MYO5A: variants seen among roughly 807,000 people sequenced by gnomAD.
MYO5A encodes the protein myosin VA, also known as unconventional myosin-Va.
In MYO5A, 98 loss-of-function variants were observed where a neutral mutation model predicts 249.7. The observed-to-expected ratio is 0.39, with a 90% CI of 0.33 to 0.46. The LOEUF is 0.46. Among genes scored for constraint, MYO5A ranks in the 20% least tolerant of loss-of-function variants. MYO5A has a pLI of 0.98. For synonymous variants in MYO5A, 778 were observed against 810.6 expected, an observed-to-expected ratio of 0.96 and a Z score of 0.68; for missense variants, 1,696 against 2,308.8, an observed-to-expected ratio of 0.73 and a Z score of 5.44.
chr15:52,472,391 T>A (rs1473384813), intron 1 of MYO5A, among the ~76,000 whole-genome samples: 1 of 152,114 alleles, frequency 6.6e-6, no homozygotes, highest in African/African-American at 2.4e-5. Context: ...ATCCAGACAT[T>A]TTTTTCATTT....
chr15:52,345,159 T>A (rs867064231), intron 30 of MYO5A, among the ~76,000 whole-genome samples: 1 of 152,218 alleles, frequency 6.6e-6, no homozygotes, highest in African/African-American at 2.4e-5. Flanking sequence ...TATTTGCATA[T>A]AACCATGTAC....
intron 20 of MYO5A, among the ~76,000 whole-genome samples, chr15:52,373,063 C>T (rs1342519187): frequency 6.6e-6 from 1 of 151,768 alleles, no homozygotes; most frequent in African/African-American, 2.4e-5. Flanking sequence ...AGCAAGGATC[C>T]ACTTTTGGGA....
intron 1 of MYO5A, among the ~76,000 whole-genome samples, chr15:52,437,738 G>A (rs1343709142): frequency 6.6e-6 from 1 of 152,140 alleles, no homozygotes; most frequent in East Asian, 1.9e-4. Context: ...AACATGAGGA[G>A]ACTTTAAATC....
At chr15:52,400,492 C>T (rs1169450954) in intron 9 of MYO5A, among the ~76,000 whole-genome samples, 2 of 152,176 alleles carry the variant, frequency 1.3e-5, no homozygotes, top group Non-Finnish European at 2.9e-5. Context: ...GTGCTCTCTA[C>T]AAAAAATAAT....
rs1249598649 is a variant in MYO5A, at chr15:52,318,405, G to A, written c.5234+655C>T. On this transcript the variant is annotated intron_variant, in intron 39 of 41. Coordinates refer to ENST00000399233, the MANE Select transcript of MYO5A (RefSeq NM_001382347.1). Reference sequence around the variant, plus strand: ...CAGGAGGCAGAGGTTGCAGTGAGCCGAGATGGCGCCATTGCACTCCAGCCT... The same window carrying A: ...CAGGAGGCAGAGGTTGCAGTGAGCCAAGATGGCGCCATTGCACTCCAGCCT... Among the ~76,000 whole-genome samples, 5 of 135,790 alleles carry A rather than the reference G, an allele frequency of 3.7e-5. No homozygotes were observed. In the South Asian group the frequency reaches 6.8e-4, roughly 18 times the overall value. 89.1% of individuals were successfully genotyped at this position (135,790 alleles called of 152,430 possible).
At chr15:52,447,248 G>A (rs552983921) in intron 1 of MYO5A, among the ~76,000 whole-genome samples, 16 of 152,016 alleles carry the variant, frequency 1.1e-4, no homozygotes, top group African/African-American at 2.4e-4. Context: ...GTGAGTTCTC[G>A]CAAGATCGTT....
At chr15:52,334,997 T>C (rs1330277620) in intron 34 of MYO5A, among the ~76,000 whole-genome samples, 1 of 152,170 alleles carries the variant, frequency 6.6e-6, no homozygotes, top group Non-Finnish European at 1.5e-5. Flanking sequence ...AAGGAGCAGT[T>C]ATGACAAGAC....
At chr15:52,359,913 T>G (rs766352926) in intron 25 of MYO5A, 55 bp downstream of exon 25, 2 of 1,266,702 alleles carry the variant, frequency 1.6e-6, no homozygotes, top group East Asian at 4.7e-5. Context: ...AAATGTTCCT[T>G]GTTAACAACA....
At position 52,310,419 on chromosome 15, in the gene MYO5A, T is replaced by G. The variant is rs2037738731; in HGVS notation, c.*3277A>C. On this transcript the variant is annotated 3_prime_UTR_variant, in exon 42 of 42. Coordinates refer to ENST00000399233, the MANE Select transcript of MYO5A (RefSeq NM_001382347.1). ...GTGAGTCTGCATGTAGTAAGGTGAATGGGGAGGGGATTATTAAGATAAAGA... is the reference window on the plus strand; with the variant it reads ...GTGAGTCTGCATGTAGTAAGGTGAAGGGGGAGGGGATTATTAAGATAAAGA... 1 of 152,198 alleles carries G rather than the reference T, an allele frequency of 6.6e-6. No homozygotes were observed. The highest frequency in any genetic ancestry group is 1.5e-5 in the Non-Finnish European group (1 of 68,040). The allele number at this position is 152,198 out of a possible 1,614,324, so 9.4% of individuals were successfully genotyped here. A position where few individuals can be genotyped will look rare whatever the true frequency, so the allele number is the denominator to read the frequency against.
At chr15:52,497,686 G>A (rs2077067157) in intron 1 of MYO5A, among the ~76,000 whole-genome samples, 1 of 149,418 alleles carries the variant, frequency 6.7e-6, no homozygotes, top group South Asian at 2.1e-4. Context: ...GAACCCGGGA[G>A]GTGGAGGTTG....
rs897894499 is a variant in MYO5A at position 52,411,480 on chromosome 15, T to C, written c.613-1004A>G. Among the ~76,000 whole-genome samples, 9 of 152,052 alleles carry C rather than the reference T, an allele frequency of 5.9e-5. No homozygotes were observed. In the East Asian group the frequency reaches 1.7e-3, roughly 29 times the overall value. ...TTTTATATAACCTTAAAAATTTTAA[T>C]GACATATGTCTTTCTGATTTAGGTA... On this transcript the variant is annotated intron_variant, in intron 5 of 41. Coordinates refer to ENST00000399233, the MANE Select transcript of MYO5A (RefSeq NM_001382347.1).
Position 52,435,265 on chromosome 15 carries a change from C to CTT in MYO5A, c.28-1982_28-1981dup, listed in dbSNP as rs35456308. On this transcript the variant is annotated intron_variant, in intron 1 of 41. Transcript: ENST00000399233. Reference sequence around the variant, plus strand: ...ACTGTCCTGGATATTACGTTAACCTCTTTTTTTTTTTTTTTTTTTTTGAGA... The same window carrying CTT: ...ACTGTCCTGGATATTACGTTAACCTCTTTTTTTTTTTTTTTTTTTTTTTGAGA... Among the ~76,000 whole-genome samples, 678 of 113,710 alleles carry CTT rather than the reference C, an allele frequency of 6.0e-3. 21 individuals are homozygous for CTT. Among genetic ancestry groups the CTT allele is most frequent in the African/African-American group, 0.011 (337 of 29,470 alleles). 74.6% of individuals were successfully genotyped at this position (113,710 alleles called of 152,430 possible).
At chr15:52,361,879 T>C (rs1432902215) in intron 24 of MYO5A, among the ~76,000 whole-genome samples, 2 of 152,238 alleles carry the variant, frequency 1.3e-5, no homozygotes, top group Non-Finnish European at 2.9e-5. Context: ...ATTTCTCCCA[T>C]GATTCCTTCT....
chr15:52,509,927 T>C (rs2077356206), intron 1 of MYO5A, among the ~76,000 whole-genome samples: 1 of 152,082 alleles, frequency 6.6e-6, no homozygotes, highest in Non-Finnish European at 1.5e-5. Flanking sequence ...AGCTCTAAGG[T>C]CTTTTAATGA....
chr15:52,319,066 T>C lies in MYO5A; in HGVS notation c.5228A>G (p.Gln1743Arg). The change falls in exon 39 of 42, where the codon CAG becomes CGG. Residue 1743 changes from glutamine to arginine, a missense_variant. Gln to Arg is a conservative substitution (Grantham distance 43). This residue lies in a region of MYO5A where 625 missense variants were observed against 908.1 expected (regional missense o/e 0.69). Coordinates refer to ENST00000399233, the MANE Select transcript of MYO5A (RefSeq NM_001382347.1). ...GGTGTTGGCATTTGCTCACCTGATC[T>C]GCATGCCTTTACTCCAGGAGCACAT... ...KDMCSWSKGM[Q>R]IRYNVSQLEE... 3 of 1,614,204 alleles carry C rather than the reference T, an allele frequency of 1.9e-6. No individual in the cohort carries two copies. The highest frequency in any genetic ancestry group is 2.5e-6 in the Non-Finnish European group (3 of 1,180,044).
intron 2 of MYO5A, among the ~76,000 whole-genome samples, chr15:52,431,862 C>A (rs2075547740): frequency 6.6e-6 from 1 of 151,936 alleles, no homozygotes; most frequent in South Asian, 2.1e-4. Context: ...GTGGCTCATG[C>A]CTGTGGTTCC....
At chr15:52,352,854 CCTTT>C (rs1431434498) in intron 27 of MYO5A, among the ~76,000 whole-genome samples, 1 of 151,896 alleles carries the variant, frequency 6.6e-6, no homozygotes, top group Admixed American at 6.6e-5. Context: ...AATATATAAC[CCTTT>C]CTTTCATGAA....
intron 25 of MYO5A, among the ~76,000 whole-genome samples, chr15:52,354,591 C>T (rs1338532029): frequency 6.6e-6 from 1 of 152,154 alleles, no homozygotes; most frequent in Non-Finnish European, 1.5e-5. Flanking sequence ...CACGGTGGCT[C>T]ATGCCTGTAA....
At chr15:52,387,987 C>A (rs945711345) in intron 13 of MYO5A, 75 bp from the exon 14 acceptor site, 1 of 1,073,628 alleles carries the variant, frequency 9.3e-7, no homozygotes, top group Non-Finnish European at 1.4e-6. Flanking sequence ...TAATAAGAAT[C>A]TTTATTAGTC....
Sources: gnomAD v4.1 joint callset for allele counts (sites outside exome capture counted in the v4.1 genomes callset) on GRCh38, gnomAD v4.1.1 for gene constraint, gnomAD v4.1.1 regional missense constraint, MANE v1.5 for transcripts, NCBI Gene and HGNC (gene_info 2026-07-23, HGNC 2026-07-21) for gene names.